HOOK3: variants seen among roughly 807,000 people sequenced by gnomAD.
HOOK3 encodes the protein protein Hook homolog 3.
HOOK3 carries 24 observed loss-of-function variants against 116.3 expected under a neutral mutation model. The observed-to-expected ratio is 0.21, with a 90% CI of 0.15 to 0.29. HOOK3 has a LOEUF of 0.29. Among genes scored for constraint, HOOK3 ranks in the 10% least tolerant of loss-of-function variants. HOOK3 has a pLI of 1.00. For missense variants in HOOK3, 632 were observed against 830.2 expected, an observed-to-expected ratio of 0.76 and a Z score of 2.93; for synonymous variants, 275 against 283.0, an observed-to-expected ratio of 0.97 and a Z score of 0.28.
intron 13 of HOOK3, among the ~76,000 whole-genome samples, chr8:42,978,571 C>T (rs1260826465): frequency 8.5e-5 from 13 of 152,064 alleles, no homozygotes; most frequent in Admixed American, 3.9e-4. Flanking sequence ...CCACCACACC[C>T]GGCTAGTTTT....
intron 21 of HOOK3, among the ~76,000 whole-genome samples, chr8:43,015,692 A>G (rs1809698854): frequency 6.6e-6 from 1 of 151,938 alleles, no homozygotes; most frequent in Non-Finnish European, 1.5e-5. Flanking sequence ...GGAGCTCTGC[A>G]TTTCAGGCCT....
chr8:43,027,219 T>G lies in HOOK3; in HGVS notation c.*8721T>G, dbSNP rs1809948553. ...GAACTTGGCCATTTTCTTACATTCA[T>G]ATATAGCAAAGTTTTCAACTTGTCT... On this transcript the variant is annotated 3_prime_UTR_variant, in exon 22 of 22. Coordinates refer to ENST00000307602, the MANE Select transcript of HOOK3 (RefSeq NM_032410.4). 1 of 263,792 alleles carries G rather than the reference T, an allele frequency of 3.8e-6. No homozygotes were observed. Among genetic ancestry groups the G allele is most frequent in the African/African-American group, 2.3e-5 (1 of 43,980 alleles). The allele number at this position is 263,792 out of a possible 1,614,324, so 16.3% of individuals were successfully genotyped here. A position where few individuals can be genotyped will look rare whatever the true frequency, so the allele number is the denominator to read the frequency against.
At chr8:42,997,529 T>G (rs1809301945) in intron 15 of HOOK3, 21 bp from the exon 16 acceptor site, 1 of 1,504,944 alleles carries the variant, frequency 6.6e-7, no homozygotes, top group East Asian at 2.3e-5. Context: ...CTTGGAAAAT[T>G]AATGTACATT....
intron 15 of HOOK3, chr8:42,994,514 A>G (rs1373900774): frequency 6.2e-6 from 2 of 324,158 alleles, no homozygotes; most frequent in Admixed American, 9.1e-5. Flanking sequence ...TTCCATTATC[A>G]TTTGTTTCAA....
rs1808807560 is a variant in HOOK3, at chr8:42,975,621, C to G, written c.1321+1427C>G. Reference sequence around the variant, plus strand: ...AAAAAAGTGGACGTGACTTCTCCAGCTATCGAATTAGATGACGCTGCCGTG... The same window carrying G: ...AAAAAAGTGGACGTGACTTCTCCAGGTATCGAATTAGATGACGCTGCCGTG... On this transcript the variant is annotated intron_variant, in intron 13 of 21. Coordinates refer to ENST00000307602, the MANE Select transcript of HOOK3 (RefSeq NM_032410.4). Among the ~76,000 whole-genome samples the G allele has an allele frequency of 2.6e-5, 4 of 152,224 alleles. No individual in the cohort carries two copies. The South Asian group carries it at 8.3e-4, about 31-fold the overall frequency.
chr8:42,934,548 C>G (rs1425887902), intron 4 of HOOK3, among the ~76,000 whole-genome samples: 2 of 152,064 alleles, frequency 1.3e-5, no homozygotes, highest in South Asian at 4.1e-4. Context: ...CCCTAGCCCC[C>G]CTCCCCCGCA....
rs372059901 is a variant in HOOK3, at chr8:42,897,117, G to A, written c.-15G>A. ...CTGGCCAGGCGGTAGGCGCTGCCTG[G>A]CCGCGGCGGGGAAGATGTTCAGCGT... is the stretch of plus-strand genomic sequence containing the variant. On this transcript the variant is annotated 5_prime_UTR_variant, in exon 1 of 22. Coordinates refer to ENST00000307602, the MANE Select transcript of HOOK3 (RefSeq NM_032410.4). 61 of 1,242,776 alleles carry A rather than the reference G, an allele frequency of 4.9e-5. No homozygotes were observed. The highest frequency in any genetic ancestry group is 4.9e-4 in the South Asian group (12 of 24,586). 77.0% of individuals were successfully genotyped at this position (1,242,776 alleles called of 1,614,324 possible).
chr8:42,897,856 C>T (rs1807064835), intron 1 of HOOK3, among the ~76,000 whole-genome samples: 1 of 152,244 alleles, frequency 6.6e-6, no homozygotes, highest in African/African-American at 2.4e-5. Context: ...GCCGCGCCTT[C>T]CTGAAGCCGG....
At chr8:42,979,263 C>A (rs1267938985) in intron 13 of HOOK3, among the ~76,000 whole-genome samples, 1 of 152,098 alleles carries the variant, frequency 6.6e-6, no homozygotes, top group Non-Finnish European at 1.5e-5. Flanking sequence ...CCGAGCGATA[C>A]CCTGTCTCTA....
chr8:42,976,032 A>G (rs917438371), intron 13 of HOOK3, among the ~76,000 whole-genome samples: 15 of 144,320 alleles, frequency 1.0e-4, no homozygotes, highest in African/African-American at 3.1e-4. Context: ...GTGTGTGTGT[A>G]TATATATATG....
chr8:42,919,670 C>T (rs966394285), intron 2 of HOOK3, among the ~76,000 whole-genome samples: 4 of 152,214 alleles, frequency 2.6e-5, no homozygotes, highest in Non-Finnish European at 4.4e-5. Context: ...ACTGAGTGAG[C>T]GAGACTCCGT....
intron 13 of HOOK3, among the ~76,000 whole-genome samples, chr8:42,974,473 A>G (rs1808783274): frequency 6.6e-6 from 1 of 152,150 alleles, no homozygotes; most frequent in Non-Finnish European, 1.5e-5. Context: ...TCCTGACCTC[A>G]GGTAATCCCA....
At chr8:43,016,365 C>A (rs1809716139) in intron 21 of HOOK3, among the ~76,000 whole-genome samples, 1 of 152,098 alleles carries the variant, frequency 6.6e-6, no homozygotes, top group Non-Finnish European at 1.5e-5. Context: ...CATGATCCAC[C>A]CTCCTCGGCC....
chr8:42,910,629 T>C (rs573930500), intron 2 of HOOK3, among the ~76,000 whole-genome samples: 1 of 152,380 alleles, frequency 6.6e-6, no homozygotes, highest in South Asian at 2.1e-4. Flanking sequence ...ACATAATGTC[T>C]GTGAGATTTA....
chr8:43,011,382 T>C (rs944212773), intron 19 of HOOK3, among the ~76,000 whole-genome samples: 4 of 152,088 alleles, frequency 2.6e-5, no homozygotes, highest in Admixed American at 2.6e-4. Context: ...ATTTAAAGGT[T>C]ATGCATTATG....
At position 42,959,306 on chromosome 8, in the gene HOOK3, G is replaced by A. The variant is rs1324003599; in HGVS notation, c.607G>A (p.Asp203Asn). 1 of 1,608,210 alleles carries A rather than the reference G, an allele frequency of 6.2e-7. No individual in the cohort carries two copies. Among genetic ancestry groups the A allele is most frequent in the South Asian group, 1.1e-5 (1 of 90,938 alleles). Residue 203 changes from aspartate (D) to asparagine (N), a missense_variant, in exon 8 of 22, where the codon GAT (aspartate) becomes AAT (asparagine). Asp to Asn is a conservative substitution (Grantham distance 23). Coordinates refer to ENST00000307602, the MANE Select transcript of HOOK3 (RefSeq NM_032410.4). ...AATTGCTCAAAGATGCCATGAACTG[G>A]ATATGCAGGTAAGAGATTTGTTCTG... ...EEIAQRCHEL[D>N]MQVAALQEEK...
intron 8 of HOOK3, among the ~76,000 whole-genome samples, chr8:42,962,784 T>TGAC (rs915065114): frequency 5.5e-5 from 8 of 144,490 alleles, no homozygotes; most frequent in African/African-American, 2.2e-4. Context: ...TTTTTTGGTC[T>TGAC]GACTTCTTCT....
chr8:42,990,757 C>A (rs2130457931), intron 15 of HOOK3, among the ~76,000 whole-genome samples: 1 of 152,158 alleles, frequency 6.6e-6, no homozygotes, highest in African/African-American at 2.4e-5. Context: ...CATGTATTTT[C>A]ACCCATTCTG....
At position 42,942,532 on chromosome 8, in the gene HOOK3, T is replaced by G. The variant is rs573187751; in HGVS notation, c.268-781T>G. On this transcript the variant is annotated intron_variant, in intron 4 of 21. Coordinates refer to ENST00000307602, the MANE Select transcript of HOOK3 (RefSeq NM_032410.4). ...GTTTTTAAATAATTGTTTTCTTGTTTGTGTTGATAGTTTTACCACCTGTAT... is the reference window on the plus strand; with the variant it reads ...GTTTTTAAATAATTGTTTTCTTGTTGGTGTTGATAGTTTTACCACCTGTAT... Among the ~76,000 whole-genome samples, 8 of 152,340 alleles carry G rather than the reference T, an allele frequency of 5.3e-5. No individual in the cohort carries two copies. In the South Asian group the frequency reaches 1.5e-3, roughly 28 times the overall value.
Sources: allele counts gnomAD v4.1 joint callset (sites outside exome capture counted in the v4.1 genomes callset), GRCh38; gene constraint gnomAD v4.1.1; transcripts MANE v1.5; gene names NCBI Gene and HGNC (gene_info 2026-07-23, HGNC 2026-07-21).